The following ENTHD1 variants were observed in gnomAD, a reference collection of about 807,000 sequenced individuals.
ENTHD1 encodes the protein ENTH domain-containing protein 1.
Under a neutral mutation model 39.1 loss-of-function variants are expected in ENTHD1, and 23 were observed. The ratio of observed to expected loss-of-function variants is 0.59; its 90% CI spans 0.42 to 0.83. The LOEUF (loss-of-function observed/expected upper bound fraction) is 0.83, where lower values mean the gene tolerates loss of function less well. Among genes scored for constraint, ENTHD1 ranks in the 40% least tolerant of loss-of-function variants. The pLI, the probability that ENTHD1 is intolerant of heterozygous loss-of-function variation, is 0.00. For synonymous variants in ENTHD1, 230 were observed against 258.2 expected, an observed-to-expected ratio of 0.89 and a Z score of 1.05; for missense variants, 624 against 705.4, an observed-to-expected ratio of 0.88 and a Z score of 1.31.
intron 6 of ENTHD1, among the ~76,000 whole-genome samples, chr22:39,756,278 A>G (rs2065183319): frequency 6.9e-6 from 1 of 145,604 alleles, no homozygotes; most frequent in African/African-American, 2.6e-5. Flanking sequence ...TAAACCTATC[A>G]ATGTCTCTGT....
At chr22:39,752,847 G>A (rs2065157783) in intron 6 of ENTHD1, among the ~76,000 whole-genome samples, 1 of 152,300 alleles carries the variant, frequency 6.6e-6, no homozygotes, top group African/African-American at 2.4e-5. Flanking sequence ...ACTCTGCACG[G>A]TGCTTCTAAG....
chr22:39,878,933 C>A (rs1442401956), intron 2 of ENTHD1, among the ~76,000 whole-genome samples: 1 of 151,906 alleles, frequency 6.6e-6, no homozygotes, highest in Non-Finnish European at 1.5e-5. Flanking sequence ...TTATAAGGTA[C>A]TAGCACTACC....
At chr22:39,747,887 C>A (rs115236883) in intron 6 of ENTHD1, among the ~76,000 whole-genome samples, 158 of 152,072 alleles carry the variant, frequency 1.0e-3, no homozygotes, top group African/African-American at 3.8e-3. Flanking sequence ...GCCTGAATAA[C>A]CATTTGGTAG....
At chr22:39,809,586 G>A (rs1447454781) in intron 5 of ENTHD1, among the ~76,000 whole-genome samples, 3 of 152,152 alleles carry the variant, frequency 2.0e-5, no homozygotes, top group African/African-American at 7.2e-5. Context: ...TGGGACTGTC[G>A]GGATGGATCT....
rs145288267 is a variant in ENTHD1 at position 39,829,973 on chromosome 22, T to C, written c.711+5867A>G. On this transcript the variant is annotated intron_variant, in intron 4 of 6. Transcript: ENST00000325157. Reference sequence around the variant, plus strand: ...ATACTATCTACAGTTACAAACTCCTTGGGCTCAAGTGATCCTCCTGCCTTA... The same window carrying C: ...ATACTATCTACAGTTACAAACTCCTCGGGCTCAAGTGATCCTCCTGCCTTA... Among the ~76,000 whole-genome samples, 1,155 of 152,234 alleles carry C rather than the reference T, an allele frequency of 7.6e-3. 6 individuals are homozygous for C. Among genetic ancestry groups the C allele is most frequent in the African/African-American group, 0.026 (1,093 of 41,522 alleles).
intron 3 of ENTHD1, among the ~76,000 whole-genome samples, chr22:39,838,922 T>C (rs1402829394): frequency 6.6e-6 from 1 of 152,112 alleles, no homozygotes; most frequent in Non-Finnish European, 1.5e-5. Flanking sequence ...TTTCTAACAG[T>C]TAAGGACTTC....
In ENTHD1 at chr22:39,814,980, G is replaced by A. The variant is rs188935939; in HGVS notation, c.832+6013C>T. 1.1e-4 allele frequency among the ~76,000 whole-genome samples: 16 copies of A among 152,194 alleles called. No homozygotes were observed. The East Asian group carries it at 2.5e-3, about 24-fold the overall frequency. On this transcript the variant is annotated intron_variant, in intron 5 of 6. Coordinates refer to ENST00000325157, the MANE Select transcript of ENTHD1 (RefSeq NM_152512.4). Reference sequence around the variant, plus strand: ...AAGACAAGTCACAAACTGGAAAAACGTTTAAGAGATGTGATACTTAGGCTC... The same window carrying A: ...AAGACAAGTCACAAACTGGAAAAACATTTAAGAGATGTGATACTTAGGCTC...
intron 2 of ENTHD1, among the ~76,000 whole-genome samples, chr22:39,865,179 A>C (rs186132585): frequency 1.3e-5 from 2 of 152,254 alleles, no homozygotes; most frequent in Non-Finnish European, 2.9e-5. Context: ...TCTAAGAGAC[A>C]AGCAATTACA....
chr22:39,866,876 A>G (rs897800453), intron 2 of ENTHD1, among the ~76,000 whole-genome samples: 2 of 152,142 alleles, frequency 1.3e-5, no homozygotes, highest in Non-Finnish European at 2.9e-5. Flanking sequence ...GCTGAGGAAA[A>G]GTTTTCCAAA....
intron 5 of ENTHD1, among the ~76,000 whole-genome samples, chr22:39,809,683 G>C (rs773106031): frequency 2.0e-5 from 3 of 152,144 alleles, no homozygotes; most frequent in Non-Finnish European, 4.4e-5. Context: ...CTTTGATGGG[G>C]CACCAGCATC....
At chr22:39,821,652 T>C (rs1039802774) in intron 4 of ENTHD1, among the ~76,000 whole-genome samples, 1 of 152,200 alleles carries the variant, frequency 6.6e-6, no homozygotes, top group Non-Finnish European at 1.5e-5. Context: ...AATCCCTTAT[T>C]TCATTATGTA....
At chr22:39,862,083 T>G in intron 2 of ENTHD1, 76 bp from the exon 3 acceptor site, 1 of 1,217,438 alleles carries the variant, frequency 8.2e-7, no homozygotes, top group Non-Finnish European at 1.1e-6. Flanking sequence ...CTACAGAAAT[T>G]TTTTTAAAAA....
rs559755684 is a variant in ENTHD1, at chr22:39,828,608, C to T, written c.711+7232G>A. ...TAAATCACAACTAGACTGAAGGTTT[C>T]GGTCAGCTTTAATTTTGTGTGAACC... On this transcript the variant is annotated intron_variant, in intron 4 of 6. Coordinates refer to ENST00000325157, the MANE Select transcript of ENTHD1 (RefSeq NM_152512.4). Among the ~76,000 whole-genome samples the T allele has an allele frequency of 1.2e-4, 18 of 152,276 alleles. 1 individual carries two copies. Among genetic ancestry groups the T allele is most frequent in the Middle Eastern group, 3.4e-3 (1 of 294 alleles).
At chr22:39,819,341 G>A (rs1327835367) in intron 5 of ENTHD1, among the ~76,000 whole-genome samples, 1 of 151,500 alleles carries the variant, frequency 6.6e-6, no homozygotes, top group Admixed American at 6.6e-5. Context: ...CTCCAACCTG[G>A]GTGACAGAGC....
At chr22:39,766,042 AAAAAAAAG>A (rs1370248503) in intron 5 of ENTHD1, among the ~76,000 whole-genome samples, 2 of 150,076 alleles carry the variant, frequency 1.3e-5, no homozygotes, top group African/African-American at 4.9e-5. Flanking sequence ...AAAAAAAAAA[AAAAAAAAG>A]AAAGAAAAAG....
chr22:39,819,810 C>G (rs188381221), intron 5 of ENTHD1, among the ~76,000 whole-genome samples: 14 of 152,054 alleles, frequency 9.2e-5, no homozygotes, highest in Non-Finnish European at 1.8e-4. Flanking sequence ...AACAGGGGTA[C>G]GTGGGAACTC....
At chr22:39,881,311 C>A (rs2066336312) in intron 2 of ENTHD1, among the ~76,000 whole-genome samples, 1 of 152,110 alleles carries the variant, frequency 6.6e-6, no homozygotes, top group Admixed American at 6.5e-5. Flanking sequence ...TAGAATATCA[C>A]CAAAGTCTGG....
intron 5 of ENTHD1, among the ~76,000 whole-genome samples, chr22:39,770,489 C>T (rs1284414096): frequency 6.6e-6 from 1 of 152,114 alleles, no homozygotes; most frequent in Non-Finnish European, 1.5e-5. Flanking sequence ...TCCTAAGAGG[C>T]CTGGGTCACC....
intron 2 of ENTHD1, among the ~76,000 whole-genome samples, chr22:39,884,942 G>T (rs886373930): frequency 2.0e-5 from 3 of 152,160 alleles, no homozygotes; most frequent in Non-Finnish European, 4.4e-5. Flanking sequence ...TTGGACAATG[G>T]AGCCCATAGT....
Sources: allele counts gnomAD v4.1 joint callset (sites outside exome capture counted in the v4.1 genomes callset), GRCh38; gene constraint gnomAD v4.1.1; transcripts MANE v1.5; gene names NCBI Gene and HGNC (gene_info 2026-07-23, HGNC 2026-07-21).